Variants in RADIL observed in about 807,000 individuals in gnomAD.
The protein encoded by RADIL is Rap associating with DIL domain, also known as ras-associating and dilute domain-containing protein.
Under a neutral mutation model 97.6 loss-of-function variants are expected in RADIL, and 99 were observed. The observed-to-expected ratio is 1.01, with a 90% CI of 0.86 to 1.20. The LOEUF is 1.20. Ranked by LOEUF, RADIL falls within the 50% of genes most tolerant of loss-of-function variation. The pLI is 0.00. For missense variants in RADIL, 1,765 were observed against 1,498.9 expected, an observed-to-expected ratio of 1.18 and a Z score of -2.93; for synonymous variants, 803 against 691.8, an observed-to-expected ratio of 1.16 and a Z score of -2.52.
At chr7:4,803,858 C>T (rs1273772372) in intron 10 of RADIL, 104 bp from the exon 11 acceptor site, 3 of 993,362 alleles carry the variant, frequency 3.0e-6, no homozygotes, top group Admixed American at 4.0e-5. Context: ...GCAGATTGAG[C>T]CCTGAGTCCC....
chr7:4,864,199 T>C (rs774305394), intron 2 of RADIL, among the ~76,000 whole-genome samples: 7 of 152,200 alleles, frequency 4.6e-5, no homozygotes, highest in Non-Finnish European at 7.4e-5. Context: ...ATGACCCCAA[T>C]GATTTCCATC....
At position 4,872,499 on chromosome 7, in the gene RADIL, C is replaced by T. The variant is rs1160266711; in HGVS notation, c.535+5106G>A. The stretch of plus-strand genomic sequence containing the variant: ...AAAAACCACATGGCCCTGTCATCGC[C>T]CCTCCCCAGTGCATCTAAGTGGCTG... On this transcript the variant is annotated intron_variant, in intron 2 of 14. Coordinates refer to ENST00000399583, the MANE Select transcript of RADIL (RefSeq NM_018059.5). The surrounding 1 kb of genome is among the most constrained non-coding windows in gnomAD (Gnocchi z 5.8). Among the ~76,000 whole-genome samples, 1 of 152,166 alleles carries T rather than the reference C, an allele frequency of 6.6e-6. No homozygotes were observed. The highest frequency in any genetic ancestry group is 1.5e-5 in the Non-Finnish European group (1 of 68,038).
Position 4,819,861 on chromosome 7 carries a change from C to G in RADIL, c.1616-2510G>C, listed in dbSNP as rs891623275. ...TGGGCCCTGGCTCCCATCGCCGGGC[C>G]AAACACTGCTCAGGCCCCTGACCAA... On this transcript the variant is annotated intron_variant, in intron 6 of 14. Coordinates refer to ENST00000399583, the MANE Select transcript of RADIL (RefSeq NM_018059.5). The surrounding 1 kb of genome is among the most constrained non-coding windows in gnomAD (Gnocchi z 5.8). Among the ~76,000 whole-genome samples, 1 of 152,220 alleles carries G rather than the reference C, an allele frequency of 6.6e-6. No individual in the cohort carries two copies. Among genetic ancestry groups the G allele is most frequent in the Non-Finnish European group, 1.5e-5 (1 of 68,036 alleles).
intron 11 of RADIL, 109 bp downstream of exon 11, chr7:4,803,437 G>A (rs1782183854): frequency 1.0e-6 from 1 of 964,058 alleles, no homozygotes; most frequent in African/African-American, 2.0e-5. Context: ...GGCACCTCGG[G>A]GCACGCTGGC....
chr7:4,864,359 G>A (rs1007401541), intron 2 of RADIL, among the ~76,000 whole-genome samples: 5 of 152,172 alleles, frequency 3.3e-5, no homozygotes, highest in African/African-American at 1.2e-4. Context: ...TCCATTCTAA[G>A]CCCTCATTTC....
chr7:4,845,198 T>C (rs1287364281), intron 2 of RADIL, among the ~76,000 whole-genome samples: 1 of 151,960 alleles, frequency 6.6e-6, no homozygotes, highest in Non-Finnish European at 1.5e-5. Flanking sequence ...GGCGGGAGGA[T>C]CACTTGAAGC....
chr7:4,853,588 C>T (rs780589193), intron 2 of RADIL, among the ~76,000 whole-genome samples: 1 of 151,804 alleles, frequency 6.6e-6, no homozygotes, highest in Non-Finnish European at 1.5e-5. Context: ...ACTAAAAATA[C>T]AAAATTAGCC....
chr7:4,803,876 G>T lies in RADIL; in HGVS notation c.2291-122C>A, dbSNP rs764438311. 35 of 880,248 alleles carry T rather than the reference G, an allele frequency of 4.0e-5. 2 individuals are homozygous for T. The South Asian group carries it at 4.7e-4, about 12-fold the overall frequency. The allele number at this position is 880,248 out of a possible 1,614,324, so 54.5% of individuals were successfully genotyped here. A position where few individuals can be genotyped will look rare whatever the true frequency, so the allele number is the denominator to read the frequency against. On this transcript the variant is annotated intron_variant, in intron 10 of 14. Transcript: ENST00000399583. ...GATTGAGCCCTGAGTCCCCTGCCCTGTGGACACAGGAGGCTGGGATCCTGG... is the reference window on the plus strand; with the variant it reads ...GATTGAGCCCTGAGTCCCCTGCCCTTTGGACACAGGAGGCTGGGATCCTGG...
rs774545830 is a variant in RADIL at position 4,836,547 on chromosome 7, C to A, written c.594G>T (p.Pro198=). 2.5e-6 allele frequency: 4 copies of A among 1,607,538 alleles called. No homozygotes were observed. The highest frequency in any genetic ancestry group is 3.4e-6 in the Non-Finnish European group (4 of 1,179,420). The change falls in exon 3 of 15, where the codon CCG becomes CCT. Residue 198 remains proline, a synonymous_variant. Transcript: ENST00000399583. The part of the protein sequence containing the change: ...QRSRAKGTPT[P]ALGDARSSPP... ...GAGAGCTCCGGGCATCCCCCAGGGCCGGGGTCGGGGTTCCCTTCGCGCGAC... is the reference window on the plus strand; with the variant it reads ...GAGAGCTCCGGGCATCCCCCAGGGCAGGGGTCGGGGTTCCCTTCGCGCGAC...
intron 2 of RADIL, chr7:4,860,925 G>C: frequency 1.9e-6 from 3 of 1,614,252 alleles, no homozygotes; most frequent in Non-Finnish European, 2.5e-6. Context: ...GGCAAATTAA[G>C]ATTCCGTTCT....
chr7:4,816,684 AG>A (rs1269405793), intron 7 of RADIL, among the ~76,000 whole-genome samples: 3 of 151,726 alleles, frequency 2.0e-5, no homozygotes, highest in Non-Finnish European at 4.4e-5. Context: ...GGTGGGGTGC[AG>A]GGGGCTCAGG....
rs916613905 is a variant in RADIL, at chr7:4,837,331, T to C, written c.536-726A>G. On this transcript the variant is annotated intron_variant, in intron 2 of 14. Transcript: ENST00000399583. This position sits in a 1 kb window ranked among gnomAD's most constrained non-coding sequence, Gnocchi z 5.6. ...ACGCCGCCTCCAGAGCCCTGCCCCA[T>C]CCATCTGTGCACCAGGCGAAACTCC... Among the ~76,000 whole-genome samples, 2 of 152,130 alleles carry C rather than the reference T, an allele frequency of 1.3e-5. No individual in the cohort carries two copies. Among genetic ancestry groups the C allele is most frequent in the Non-Finnish European group, 2.9e-5 (2 of 68,004 alleles).
At chr7:4,853,119 G>A (rs1783748377) in intron 2 of RADIL, among the ~76,000 whole-genome samples, 1 of 152,140 alleles carries the variant, frequency 6.6e-6, no homozygotes. Context: ...GCATGTGGGT[G>A]TAGCTATGGA....
intron 2 of RADIL, chr7:4,861,810 T>C: frequency 7.4e-7 from 1 of 1,359,482 alleles, no homozygotes; most frequent in Non-Finnish European, 9.4e-7. Flanking sequence ...AACGGCATCA[T>C]CTTTCAGCGC....
intron 2 of RADIL, among the ~76,000 whole-genome samples, chr7:4,838,522 GT>G (rs1171248769): frequency 3.3e-5 from 5 of 152,144 alleles, no homozygotes; most frequent in Admixed American, 6.5e-5. Context: ...CCCCAGGCAA[GT>G]GGCTCGCAGC....
In RADIL at chr7:4,797,446, T is replaced by C. The variant is rs550863488; in HGVS notation, c.*1932A>G. On this transcript the variant is annotated 3_prime_UTR_variant, in exon 15 of 15. Coordinates refer to ENST00000399583, the MANE Select transcript of RADIL (RefSeq NM_018059.5). ...TGCAGGGAAGAAGAGATAAGCCCCC[T>C]TCTCTTTGTGGGAGGAACTGTTGGT... 3 of 152,286 alleles carry C rather than the reference T, an allele frequency of 2.0e-5. No individual in the cohort carries two copies. Among genetic ancestry groups the C allele is most frequent in the South Asian group, 4.1e-4 (2 of 4,830 alleles). The allele number at this position is 152,286 out of a possible 1,614,324, so 9.4% of individuals were successfully genotyped here.
Position 4,797,366 on chromosome 7 carries a change from A to G in RADIL, c.*2012T>C, listed in dbSNP as rs1222195750. Reference sequence around the variant, plus strand: ...TCAGTCTGGCTTGGAAGGTCCCAGAATATCACTTATGCTGCATCCTGTTGT... The same window carrying G: ...TCAGTCTGGCTTGGAAGGTCCCAGAGTATCACTTATGCTGCATCCTGTTGT... On this transcript the variant is annotated 3_prime_UTR_variant, in exon 15 of 15. Coordinates refer to ENST00000399583, the MANE Select transcript of RADIL (RefSeq NM_018059.5). The G allele has an allele frequency of 1.3e-5, 2 of 152,242 alleles. No homozygotes were observed. The highest frequency in any genetic ancestry group is 2.9e-5 in the Non-Finnish European group (2 of 68,048). The allele number at this position is 152,242 out of a possible 1,614,324, so 9.4% of individuals were successfully genotyped here. A position where few individuals can be genotyped will look rare whatever the true frequency, so the allele number is the denominator to read the frequency against.
intron 1 of RADIL, among the ~76,000 whole-genome samples, chr7:4,882,971 T>C (rs1282192791): frequency 6.6e-6 from 1 of 151,936 alleles, no homozygotes; most frequent in Admixed American, 6.6e-5. Context: ...AGGCTCCTCC[T>C]GCGAGGCCCC....
Position 4,812,937 on chromosome 7 carries a change from C to A in RADIL, c.2139+2341G>T, listed in dbSNP as rs148919919. ...AAGGCTATAACTTTTCCTCTTAAGACTGCTTTAACTGCAGCCCACAGGTTT... is the reference window on the plus strand; with the variant it reads ...AAGGCTATAACTTTTCCTCTTAAGAATGCTTTAACTGCAGCCCACAGGTTT... On this transcript the variant is annotated intron_variant, in intron 9 of 14. Coordinates refer to ENST00000399583, the MANE Select transcript of RADIL (RefSeq NM_018059.5). 3.9e-5 allele frequency among the ~76,000 whole-genome samples: 6 copies of A among 152,312 alleles called. No homozygotes were observed. In the East Asian group the frequency reaches 9.6e-4, roughly 24 times the overall value.
Sources: allele counts gnomAD v4.1 joint callset (sites outside exome capture counted in the v4.1 genomes callset), GRCh38; gene constraint gnomAD v4.1.1; non-coding constraint Gnocchi (gnomAD v3.1); transcripts MANE v1.5; gene names NCBI Gene and HGNC (gene_info 2026-07-23, HGNC 2026-07-21).